Variants in MCPH1 observed in about 807,000 individuals in gnomAD.
The protein encoded by MCPH1 is microcephalin.
MCPH1 carries 104 observed loss-of-function variants against 84.5 expected under a neutral mutation model. The observed-to-expected ratio is 1.23, with a 90% CI of 1.05 to 1.45. The LOEUF (loss-of-function observed/expected upper bound fraction) is 1.45, where lower values mean the gene tolerates loss of function less well. MCPH1 is among the 40% of genes most tolerant of loss of function. The probability of loss-of-function intolerance (pLI) is 0.00; values close to 1 mark genes in which losing one functional copy is unlikely to be tolerated. For synonymous variants in MCPH1, 514 were observed against 366.8 expected, an observed-to-expected ratio of 1.40 and a Z score of -4.58; for missense variants, 1,498 against 1,005.7, an observed-to-expected ratio of 1.49 and a Z score of -6.62.
chr8:6,487,499 C>G (rs551247531), intron 11 of MCPH1, among the ~76,000 whole-genome samples: 6 of 152,332 alleles, frequency 3.9e-5, no homozygotes, highest in Admixed American at 3.3e-4. Context: ...AGTTCATCAC[C>G]CTGCATTCCT....
intron 12 of MCPH1, among the ~76,000 whole-genome samples, chr8:6,583,589 C>G (rs1827735190): frequency 6.6e-6 from 1 of 152,298 alleles, no homozygotes; most frequent in South Asian, 2.1e-4. Context: ...GAATGAAGGA[C>G]AGAGTTGTTG....
chr8:6,445,885 G>T (rs557607043), intron 8 of MCPH1: 5 of 1,049,872 alleles, frequency 4.8e-6, no homozygotes, highest in Non-Finnish European at 5.7e-6. Flanking sequence ...GCGCTGCAGC[G>T]TGTGTAAAGA....
At chr8:6,475,620 G>A (rs753791253) in intron 9 of MCPH1, among the ~76,000 whole-genome samples, 46 of 152,328 alleles carry the variant, frequency 3.0e-4, no homozygotes, top group Admixed American at 7.2e-4. Context: ...GCCATGAGTC[G>A]GGAGGGCAAT....
At chr8:6,555,791 G>A (rs891551829) in intron 12 of MCPH1, among the ~76,000 whole-genome samples, 2 of 152,114 alleles carry the variant, frequency 1.3e-5, no homozygotes, top group Admixed American at 6.6e-5. Context: ...TCTTCTGAAC[G>A]ATTAAATAGT....
chr8:6,493,683 C>T (rs1810915178), intron 11 of MCPH1, among the ~76,000 whole-genome samples: 2 of 152,120 alleles, frequency 1.3e-5, no homozygotes, highest in Non-Finnish European at 2.9e-5. Flanking sequence ...GAGGTGAGGT[C>T]CACGCTGCTA....
chr8:6,480,525 G>A (rs1043426781), intron 10 of MCPH1, among the ~76,000 whole-genome samples, 189 bp from the exon 11 acceptor site: 5 of 152,098 alleles, frequency 3.3e-5, no homozygotes, highest in African/African-American at 1.2e-4. Flanking sequence ...ATAGAATTGA[G>A]ATCTGAAGTT....
At chr8:6,478,964 C>G (rs62496824) in intron 10 of MCPH1, among the ~76,000 whole-genome samples, 4 of 152,122 alleles carry the variant, frequency 2.6e-5, no homozygotes, top group Non-Finnish European at 5.9e-5. Context: ...CCTAAGATCA[C>G]TAGAGATAAA....
intron 12 of MCPH1, chr8:6,620,888 A>T (rs775926687): frequency 6.1e-6 from 1 of 164,292 alleles, no homozygotes; most frequent in Non-Finnish European, 1.3e-5. Context: ...CTCTCCCCCA[A>T]ACCCAGCGTG....
At chr8:6,560,936 T>C (rs994954232) in intron 12 of MCPH1, among the ~76,000 whole-genome samples, 3 of 152,248 alleles carry the variant, frequency 2.0e-5, no homozygotes, top group African/African-American at 7.2e-5. Context: ...TTCGAGGAGA[T>C]GACCTGCCTG....
At chr8:6,527,539 T>G in intron 12 of MCPH1, 1 of 1,611,660 alleles carries the variant, frequency 6.2e-7, no homozygotes, top group Non-Finnish European at 8.5e-7. Context: ...TATAAATGTT[T>G]TAGTACTGTT....
Position 6,576,843 on chromosome 8 carries a change from G to A in MCPH1, c.2215-44611G>A, listed in dbSNP as rs565406180. 4.6e-5 allele frequency among the ~76,000 whole-genome samples: 7 copies of A among 151,822 alleles called. No homozygotes were observed. In the East Asian group the frequency reaches 1.4e-3, roughly 29 times the overall value. ...CTCCTAAAGTGCTGGGAGAGGCACA[G>A]GCGTCAGCCACAGTGCCTGGCCTAC... On this transcript the variant is annotated intron_variant, in intron 12 of 13. Transcript: ENST00000344683.
At chr8:6,472,908 T>A (rs938704090) in intron 9 of MCPH1, among the ~76,000 whole-genome samples, 2 of 152,196 alleles carry the variant, frequency 1.3e-5, no homozygotes, top group Admixed American at 1.3e-4. Context: ...ACCTATTTAA[T>A]CAAAGTGACT....
rs1466023730 is a variant in MCPH1 at position 6,445,275 on chromosome 8, C to T, written c.1553C>T (p.Ala518Val). 2 of 1,614,202 alleles carry T rather than the reference C, an allele frequency of 1.2e-6. No homozygotes were observed. Among genetic ancestry groups the T allele is most frequent in the South Asian group, 2.2e-5 (2 of 91,086 alleles). Residue 518 changes from alanine to valine, a missense_variant, in exon 8 of 14, where the codon GCA (alanine) becomes GTA (valine). By Grantham distance (64) the Ala-to-Val change is moderately conservative. Coordinates refer to ENST00000344683, the MANE Select transcript of MCPH1 (RefSeq NM_024596.5). ...RCCRQAGKEDACPEGNGFSYT... is the reference protein window; with the variant it reads ...RCCRQAGKEDVCPEGNGFSYT... ...TGTAGACAGGCTGGGAAAGAAGACG[C>T]ATGCCCAGAGGGAAATGGCTTTTCT... is the stretch of plus-strand genomic sequence containing the variant.
intron 9 of MCPH1, among the ~76,000 whole-genome samples, chr8:6,475,738 G>T (rs1432612728): frequency 6.6e-6 from 1 of 152,182 alleles, no homozygotes; most frequent in African/African-American, 2.4e-5. Flanking sequence ...CATTGTCCAA[G>T]CAGGTTTCCT....
chr8:6,513,935 C>A, intron 12 of MCPH1: 1 of 1,220,540 alleles, frequency 8.2e-7, no homozygotes, highest in Non-Finnish European at 1.1e-6. Context: ...CATAGAATAA[C>A]TATCAAATAG....
chr8:6,547,965 T>G (rs1190345758), intron 12 of MCPH1, among the ~76,000 whole-genome samples: 2 of 152,074 alleles, frequency 1.3e-5, no homozygotes, highest in African/African-American at 2.4e-5. Context: ...CCAGTTTAAT[T>G]TTATCAGTGG....
chr8:6,545,853 T>A (rs1822489124), intron 12 of MCPH1, among the ~76,000 whole-genome samples: 1 of 152,266 alleles, frequency 6.6e-6, no homozygotes, highest in African/African-American at 2.4e-5. Flanking sequence ...TGAAATCGAT[T>A]GAATTTAGTT....
At chr8:6,628,064 G>A (rs1299436318) in intron 13 of MCPH1, among the ~76,000 whole-genome samples, 2 of 152,044 alleles carry the variant, frequency 1.3e-5, no homozygotes, top group East Asian at 3.8e-4. Context: ...CAAACTAATG[G>A]TCCTGGATGG....
In MCPH1 at chr8:6,645,952, C is replaced by T. The variant is rs920676488; in HGVS notation, c.*2903C>T. The T allele has an allele frequency of 3.3e-5, 5 of 152,056 alleles. No homozygotes were observed. Among genetic ancestry groups the T allele is most frequent in the South Asian group, 2.1e-4 (1 of 4,822 alleles). 9.4% of individuals were successfully genotyped at this position (152,056 alleles called of 1,614,324 possible). The stretch of plus-strand genomic sequence containing the variant: ...GTTAAGATGATAGTCCTCAAATTGA[C>T]GTATAGATTCAATGCAATCCATTAA... On this transcript the variant is annotated 3_prime_UTR_variant, in exon 14 of 14. Transcript: ENST00000344683.
Sources: allele counts gnomAD v4.1 joint callset (sites outside exome capture counted in the v4.1 genomes callset), GRCh38; gene constraint gnomAD v4.1.1; transcripts MANE v1.5; gene names NCBI Gene and HGNC (gene_info 2026-07-23, HGNC 2026-07-21).